Variants in SLC1A2 observed in about 807,000 individuals in gnomAD.
The protein encoded by SLC1A2 is solute carrier family 1 member 2, also known as excitatory amino acid transporter 2.
A neutral mutation model predicts 48.8 loss-of-function variants in SLC1A2; 15 were observed. The observed-to-expected ratio is 0.31, with a 90% CI of 0.21 to 0.47. The LOEUF (loss-of-function observed/expected upper bound fraction) is 0.47. Among genes scored for constraint, SLC1A2 ranks in the 20% least tolerant of loss-of-function variants. The pLI, the probability that SLC1A2 is intolerant of heterozygous loss-of-function variation, is 0.99. For missense variants in SLC1A2, 502 were observed against 730.5 expected (o/e 0.69, Z 3.61); for synonymous variants, 279 against 272.6 (o/e 1.02, Z -0.23).
At chr11:35,385,861 T>C (rs1292936258) in intron 1 of SLC1A2, among the ~76,000 whole-genome samples, 1 of 152,028 alleles carries the variant, frequency 6.6e-6, no homozygotes, top group Non-Finnish European at 1.5e-5. Flanking sequence ...AGGAACACAG[T>C]GAAGCTTTAA....
chr11:35,288,614 A>C (rs1850900238), intron 7 of SLC1A2, among the ~76,000 whole-genome samples: 1 of 152,216 alleles, frequency 6.6e-6, no homozygotes, highest in Admixed American at 6.5e-5. Context: ...GCTGGCATAC[A>C]TTTATGTTTA....
rs1438468636 is a variant in SLC1A2, at chr11:35,378,000, CA to C, written c.17+40949del. 1.4e-4 allele frequency among the ~76,000 whole-genome samples: 22 copies of C among 152,292 alleles called. No individual in the cohort carries two copies. In the East Asian group the frequency reaches 4.2e-3, roughly 29 times the overall value. On this transcript the variant is annotated intron_variant, in intron 1 of 10. Coordinates refer to ENST00000278379, the MANE Select transcript of SLC1A2 (RefSeq NM_004171.4). ...CATGGCAAATGGAAGCAACATTGTG[CA>C]GGAACTTGGAGGTTCCTTTAGTAGT...
rs940223898 is a variant in SLC1A2 at position 35,372,993 on chromosome 11, C to T, written c.17+45957G>A. Among the ~76,000 whole-genome samples, 12 of 152,188 alleles carry T rather than the reference C, an allele frequency of 7.9e-5. No individual in the cohort carries two copies. The South Asian group carries it at 1.7e-3, about 21-fold the overall frequency. ...AGCACATGGTAGTTTGGGATGCAAGCCCAGGCAGCCTGGCTGGGGCATCTG... is the reference window on the plus strand; with the variant it reads ...AGCACATGGTAGTTTGGGATGCAAGTCCAGGCAGCCTGGCTGGGGCATCTG... On this transcript the variant is annotated intron_variant, in intron 1 of 10. Coordinates refer to ENST00000278379, the MANE Select transcript of SLC1A2 (RefSeq NM_004171.4).
rs185331429 is a variant in SLC1A2, at chr11:35,251,322, G to A, written c.*9572C>T. 5.8e-4 allele frequency: 88 copies of A among 152,722 alleles called. No homozygotes were observed. Among genetic ancestry groups the A allele is most frequent in the African/African-American group, 1.6e-3 (68 of 41,554 alleles). 9.5% of individuals were successfully genotyped at this position (152,722 alleles called of 1,614,324 possible). A position where few individuals can be genotyped will look rare whatever the true frequency, so the allele number is the denominator to read the frequency against. On this transcript the variant is annotated 3_prime_UTR_variant, in exon 11 of 11. Transcript: ENST00000278379. Reference sequence around the variant, plus strand: ...TAAAGAATATCCAGTTATTTTACACGTGAAATGTTACAGTAATCAGTCCAC... The same window carrying A: ...TAAAGAATATCCAGTTATTTTACACATGAAATGTTACAGTAATCAGTCCAC...
At chr11:35,277,507 A>AT (rs1157113195) in intron 9 of SLC1A2, among the ~76,000 whole-genome samples, 1 of 152,106 alleles carries the variant, frequency 6.6e-6, no homozygotes, top group Non-Finnish European at 1.5e-5. Flanking sequence ...ATATTAGTGC[A>AT]TTTTTTTCCA....
intron 1 of SLC1A2, among the ~76,000 whole-genome samples, chr11:35,367,364 G>T (rs1477540478): frequency 6.6e-6 from 1 of 152,188 alleles, no homozygotes; most frequent in Admixed American, 6.5e-5. Flanking sequence ...CTCAGCCAGG[G>T]TGACCTTGGG....
chr11:35,305,301 G>C (rs1360112493), intron 5 of SLC1A2, among the ~76,000 whole-genome samples: 20 of 152,210 alleles, frequency 1.3e-4, no homozygotes, highest in Non-Finnish European at 2.9e-5. Context: ...CATACGGAGA[G>C]AGCACATGGC....
Position 35,361,065 on chromosome 11 carries a change from G to A in SLC1A2, c.18-43549C>T, listed in dbSNP as rs573665966. On this transcript the variant is annotated intron_variant, in intron 1 of 10. Coordinates refer to ENST00000278379, the MANE Select transcript of SLC1A2 (RefSeq NM_004171.4). ...TAATTTTTGTATGTTTAGTAGAGAT[G>A]GGGTTTCACCATGTTGGCCAGGGTG... 6.2e-4 allele frequency among the ~76,000 whole-genome samples: 94 copies of A among 152,034 alleles called. 1 individual carries two copies. The highest frequency in any genetic ancestry group is 2.2e-3 in the African/African-American group (93 of 41,438).
chr11:35,388,954 G>A (rs915342460), intron 1 of SLC1A2, among the ~76,000 whole-genome samples: 4 of 152,196 alleles, frequency 2.6e-5, no homozygotes, highest in African/African-American at 4.8e-5. Context: ...AAAAGGGGCT[G>A]GGAGTGAGGG....
At chr11:35,382,185 G>C (rs1182424302) in intron 1 of SLC1A2, among the ~76,000 whole-genome samples, 1 of 152,224 alleles carries the variant, frequency 6.6e-6, no homozygotes, top group Non-Finnish European at 1.5e-5. Context: ...ACTCTGCATT[G>C]CTGTCTCTTC....
intron 1 of SLC1A2, among the ~76,000 whole-genome samples, chr11:35,379,544 C>T (rs1016985902): frequency 3.9e-5 from 6 of 152,186 alleles, no homozygotes; most frequent in Admixed American, 2.6e-4. Context: ...GAAGCCTTTG[C>T]TTCAGGCTTG....
At chr11:35,372,368 C>T (rs1298927351) in intron 1 of SLC1A2, among the ~76,000 whole-genome samples, 1 of 152,238 alleles carries the variant, frequency 6.6e-6, no homozygotes, top group East Asian at 1.9e-4. Flanking sequence ...CTCTCCCCTG[C>T]TTTGGTGGCT....
At chr11:35,320,348 A>G (rs1267769329) in intron 1 of SLC1A2, among the ~76,000 whole-genome samples, 2 of 152,206 alleles carry the variant, frequency 1.3e-5, no homozygotes, top group Admixed American at 1.3e-4. Context: ...TTACTCAGAG[A>G]GGAAACATAA....
intron 1 of SLC1A2, among the ~76,000 whole-genome samples, chr11:35,392,928 AC>A (rs1565299152): frequency 6.6e-6 from 1 of 152,174 alleles, no homozygotes; most frequent in Non-Finnish European, 1.5e-5. Flanking sequence ...CAAAATAGCC[AC>A]CTTTTTCCAA....
rs548658268 is a variant in SLC1A2 at position 35,311,692 on chromosome 11, TG to T, written c.561+505del. Among the ~76,000 whole-genome samples, 12 of 152,060 alleles carry T rather than the reference TG, an allele frequency of 7.9e-5. 1 individual carries two copies. Among genetic ancestry groups the T allele is most frequent in the Admixed American group, 7.9e-4 (12 of 15,276 alleles). On this transcript the variant is annotated intron_variant, in intron 4 of 10. Coordinates refer to ENST00000278379, the MANE Select transcript of SLC1A2 (RefSeq NM_004171.4). The stretch of plus-strand genomic sequence containing the variant: ...ATTCATCTCTTGGAGATTCTGATTG[TG>T]TAGGGTATTTGTATTTTTTTAAAAG...
intron 5 of SLC1A2, among the ~76,000 whole-genome samples, chr11:35,301,863 A>G (rs1851366734): frequency 1.3e-5 from 2 of 152,196 alleles, no homozygotes; most frequent in Admixed American, 1.3e-4. Flanking sequence ...AGCAAGTTAA[A>G]CTGTAAGCAG....
rs760791830 is a variant in SLC1A2, at chr11:35,418,980, C to T, written c.-14G>A. ...CGTAGATGCCATGGTCTGGGGAACGCCCCCTCCTCTTCAGCACTATCCGGC... is the reference window on the plus strand; with the variant it reads ...CGTAGATGCCATGGTCTGGGGAACGTCCCCTCCTCTTCAGCACTATCCGGC... On this transcript the variant is annotated 5_prime_UTR_variant, in exon 1 of 11. Coordinates refer to ENST00000278379, the MANE Select transcript of SLC1A2 (RefSeq NM_004171.4). The T allele has an allele frequency of 1.3e-6, 2 of 1,564,940 alleles. No individual in the cohort carries two copies. Among genetic ancestry groups the T allele is most frequent in the Non-Finnish European group, 8.7e-7 (1 of 1,153,084 alleles).
At chr11:35,408,061 C>T (rs575600005) in intron 1 of SLC1A2, among the ~76,000 whole-genome samples, 16 of 152,150 alleles carry the variant, frequency 1.1e-4, no homozygotes, top group African/African-American at 3.9e-4. Context: ...TAATTTCTCT[C>T]CTGAATTCCT....
At chr11:35,319,630 C>A (rs907386386) in intron 1 of SLC1A2, among the ~76,000 whole-genome samples, 1 of 152,208 alleles carries the variant, frequency 6.6e-6, no homozygotes, top group Non-Finnish European at 1.5e-5. Context: ...TCAAAACAGC[C>A]ATGTCAAAGT....
Sources: gnomAD v4.1 joint callset for allele counts (sites outside exome capture counted in the v4.1 genomes callset) on GRCh38, gnomAD v4.1.1 for gene constraint, MANE v1.5 for transcripts, NCBI Gene and HGNC (gene_info 2026-07-23, HGNC 2026-07-21) for gene names.